Variants in CSRNP2 observed in about 807,000 individuals in gnomAD.
CSRNP2 encodes cysteine/serine-rich nuclear protein 2.
Under a neutral mutation model 36.6 loss-of-function variants are expected in CSRNP2, and 11 were observed. That is an observed-to-expected ratio of 0.30 (90% CI 0.19 to 0.50). CSRNP2 has a LOEUF of 0.50. Among genes scored for constraint, CSRNP2 ranks in the 20% least tolerant of loss-of-function variants. CSRNP2 has a pLI of 0.98. For synonymous variants in CSRNP2, 248 were observed against 275.3 expected, an observed-to-expected ratio of 0.90 and a Z score of 0.98; for missense variants, 483 against 691.4, an observed-to-expected ratio of 0.70 and a Z score of 3.38.
In CSRNP2 at chr12:51,082,686, T is replaced by G. The variant is rs1444149969; in HGVS notation, c.-87+653A>C. Reference sequence around the variant, plus strand: ...AAGGGACGGGTGGCAGTTGGCTGCGTAATTGGGCCTATGAAAAAAGATCAA... The same window carrying G: ...AAGGGACGGGTGGCAGTTGGCTGCGGAATTGGGCCTATGAAAAAAGATCAA... On this transcript the variant is annotated intron_variant, in intron 1 of 4. Coordinates refer to ENST00000228515, the MANE Select transcript of CSRNP2 (RefSeq NM_030809.3). 3 of 152,268 alleles carry G rather than the reference T, an allele frequency of 2.0e-5. No individual in the cohort carries two copies. In the East Asian group the frequency reaches 5.8e-4, roughly 29 times the overall value. 9.4% of individuals were successfully genotyped at this position (152,268 alleles called of 1,614,324 possible). A position where few individuals can be genotyped will look rare whatever the true frequency, so the allele number is the denominator to read the frequency against.
Position 51,067,003 on chromosome 12 carries a change from T to C in CSRNP2, c.708+670A>G, listed in dbSNP as rs1396510929. The stretch of plus-strand genomic sequence containing the variant: ...TGCTACCATGTCCAGCTAATTTTTG[T>C]ATTTTTTGTAAAGATGGGGCTTAGC... On this transcript the variant is annotated intron_variant, in intron 4 of 4. Coordinates refer to ENST00000228515, the MANE Select transcript of CSRNP2 (RefSeq NM_030809.3). This position sits in a 1 kb window ranked among gnomAD's most constrained non-coding sequence, Gnocchi z 4.1. Among the ~76,000 whole-genome samples, 2 of 141,926 alleles carry C rather than the reference T, an allele frequency of 1.4e-5. No homozygotes were observed. The highest frequency in any genetic ancestry group is 3.0e-5 in the Non-Finnish European group (2 of 65,926). The allele number at this position is 141,926 out of a possible 152,430, so 93.1% of individuals were successfully genotyped here.
rs539483924 is a variant in CSRNP2, at chr12:51,069,681, T to G, written c.412-1712A>C. On this transcript the variant is annotated intron_variant, in intron 3 of 4. Coordinates refer to ENST00000228515, the MANE Select transcript of CSRNP2 (RefSeq NM_030809.3). ...TACTATGTACAGGCAGAAATCTGGG[T>G]TTTTTTTTTTCTTTTTTTTCTTTTT... Among the ~76,000 whole-genome samples, 276 of 138,894 alleles carry G rather than the reference T, an allele frequency of 2.0e-3. 11 individuals are homozygous for G. Among genetic ancestry groups the G allele is most frequent in the Middle Eastern group, 0.011 (3 of 284 alleles). The allele number at this position is 138,894 out of a possible 152,430, so 91.1% of individuals were successfully genotyped here.
Position 51,063,645 on chromosome 12 carries a change from A to G in CSRNP2, c.*101T>C. 1.1e-6 allele frequency: 1 copy of G among 929,906 alleles called. No homozygotes were observed. The highest frequency in any genetic ancestry group is 1.6e-6 in the Non-Finnish European group (1 of 641,500). 57.6% of individuals were successfully genotyped at this position (929,906 alleles called of 1,614,324 possible). On this transcript the variant is annotated 3_prime_UTR_variant, in exon 5 of 5. Transcript: ENST00000228515. The stretch of plus-strand genomic sequence containing the variant: ...TCCCCAAAGACCCCAATAAAATAAC[A>G]TGGGAGCAGCAGCTGCTTCTACAGT...
Position 51,064,547 on chromosome 12 carries a change from C to T in CSRNP2, c.831G>A (p.Glu277=), listed in dbSNP as rs1566173222. ...THYLHTIMKL[E]LESKRQVSRP... ...GGCTCACCTGCCGCTTGCTCTCCAG[C>T]TCCAGCTTCATAATGGTGTGGAGGT... The change falls in exon 5 of 5, where the codon GAG becomes GAA. Residue 277 remains glutamate, a synonymous_variant. Transcript: ENST00000228515. 1 of 1,613,504 alleles carries T rather than the reference C, an allele frequency of 6.2e-7. No homozygotes were observed. The highest frequency in any genetic ancestry group is 8.5e-7 in the Non-Finnish European group (1 of 1,179,678).
At chr12:51,076,070 G>A (rs995259914) in intron 2 of CSRNP2, among the ~76,000 whole-genome samples, 2 of 151,958 alleles carry the variant, frequency 1.3e-5, no homozygotes, top group African/African-American at 4.8e-5. Flanking sequence ...TAAGAAATCT[G>A]GATTTGCCCC....
chr12:51,072,457 G>C (rs1170752917), intron 3 of CSRNP2, among the ~76,000 whole-genome samples: 1 of 150,654 alleles, frequency 6.6e-6, no homozygotes, highest in Admixed American at 6.7e-5. Context: ...CAGCTATTCA[G>C]GAGGCTGAGG....
intron 4 of CSRNP2, 137 bp from the exon 5 acceptor site, chr12:51,064,806 G>T: frequency 1.6e-6 from 1 of 617,482 alleles, no homozygotes; most frequent in Non-Finnish European, 2.6e-6. Flanking sequence ...TCAAAGCATA[G>T]CATGCAGTGT....
chr12:51,074,867 C>A (rs886274666), intron 2 of CSRNP2, among the ~76,000 whole-genome samples: 2 of 151,928 alleles, frequency 1.3e-5, no homozygotes, highest in Non-Finnish European at 2.9e-5. Context: ...GAGATCAAGA[C>A]CATCCTGGCC....
intron 1 of CSRNP2, chr12:51,083,013 C>T (rs2136941900): frequency 6.6e-6 from 1 of 152,574 alleles, no homozygotes; most frequent in East Asian, 1.9e-4. Flanking sequence ...TTTCCTCCAT[C>T]CTACATCATT....
Position 51,064,306 on chromosome 12 carries a change from C to T in CSRNP2, c.1072G>A (p.Val358Met), listed in dbSNP as rs138451611. The T allele has an allele frequency of 2.6e-4, 412 of 1,613,846 alleles. No homozygotes were observed. Among genetic ancestry groups the T allele is most frequent in the Non-Finnish European group, 3.3e-4 (395 of 1,179,928 alleles). ...GCCAGAGGCTCCTCTAGGATGCACA[C>T]ACCCAGGCTCTCGATGCTCGAGTCC... ...SLDSSIESLGVCILEEPLAVP... is the reference protein window; with the variant it reads ...SLDSSIESLGMCILEEPLAVP... Residue 358 changes from valine (V) to methionine (M), a missense_variant, in exon 5 of 5, where the codon GTG (valine) becomes ATG (methionine). This residue lies in a region of CSRNP2 where 277 missense variants were observed against 323.6 expected (regional missense o/e 0.86). Coordinates refer to ENST00000228515, the MANE Select transcript of CSRNP2 (RefSeq NM_030809.3).
chr12:51,076,418 G>T lies in CSRNP2; in HGVS notation c.144C>A (p.Ser48Arg). ...CDSLNPPTTA[S>R]FTPTSILKRQ... ...ACGGAGCAGCTTACTCACGTGTGAA[G>T]CTGGCAGTGGTAGGAGGATTGAGGC... is the stretch of plus-strand genomic sequence containing the variant. Residue 48 changes from serine to arginine, a missense_variant, in exon 2 of 5, where the codon AGC (serine) becomes AGA (arginine). Ser to Arg is a moderately radical substitution (Grantham distance 110). Transcript: ENST00000228515. 1 of 1,614,104 alleles carries T rather than the reference G, an allele frequency of 6.2e-7. No individual in the cohort carries two copies. The highest frequency in any genetic ancestry group is 8.5e-7 in the Non-Finnish European group (1 of 1,180,018).
At position 51,074,687 on chromosome 12, in the gene CSRNP2, T is replaced by G. The variant is rs561852321; in HGVS notation, c.152-605A>C. On this transcript the variant is annotated intron_variant, in intron 2 of 4. Transcript: ENST00000228515. ...GGATCTCTAGTTAATCTTTTCTGGA[T>G]ATAAGAATCTACAGCTTTACTGTCC... Among the ~76,000 whole-genome samples, 17 of 152,298 alleles carry G rather than the reference T, an allele frequency of 1.1e-4. 1 individual carries two copies. The South Asian group carries it at 2.7e-3, about 24-fold the overall frequency.
rs140038177 is a variant in CSRNP2 at position 51,064,001 on chromosome 12, G to A, written c.1377C>T (p.Leu459=). 523 of 1,614,140 alleles carry A rather than the reference G, an allele frequency of 3.2e-4. 1 individual carries two copies. The highest frequency in any genetic ancestry group is 2.6e-3 in the Admixed American group (155 of 60,024). ...CTGGGTCTGTGGAGCTACAAGCCAC[G>A]AGTGAGGTAACAGGGAGAGAGAAGA... The part of the protein sequence containing the change: ...LNVFSLPVTS[L]VACSSTDPAA... Residue 459 remains leucine (L), a synonymous_variant, in exon 5 of 5, where the codon CTC becomes CTT. Transcript: ENST00000228515.
At chr12:51,079,192 G>A (rs1939515223) in intron 1 of CSRNP2, among the ~76,000 whole-genome samples, 1 of 152,058 alleles carries the variant, frequency 6.6e-6, no homozygotes. Flanking sequence ...ATGGACACAG[G>A]ATGGGGAACA....
intron 2 of CSRNP2, among the ~76,000 whole-genome samples, chr12:51,075,007 G>C (rs1939336947): frequency 6.6e-6 from 1 of 152,184 alleles, no homozygotes; most frequent in Non-Finnish European, 1.5e-5. Context: ...GGAGGTTGCA[G>C]TGAGCCGAGA....
chr12:51,080,138 AGGCAGGCAGG>A (rs2136933479), intron 1 of CSRNP2, among the ~76,000 whole-genome samples: 1 of 1,698 alleles, frequency 5.9e-4, no homozygotes, highest in Admixed American at 0.023. Flanking sequence ...GCAGGCAGGC[AGGCAGGCAGG>A]CAGGCAGGCA....
At chr12:51,066,430 GGC>G (rs1938312739) in intron 4 of CSRNP2, among the ~76,000 whole-genome samples, 1 of 148,984 alleles carries the variant, frequency 6.7e-6, no homozygotes, top group Non-Finnish European at 1.5e-5. Context: ...ACTCCAGCCT[GGC>G]AACAGAGCAA....
At chr12:51,075,649 G>A (rs893068334) in intron 2 of CSRNP2, among the ~76,000 whole-genome samples, 13 of 152,168 alleles carry the variant, frequency 8.5e-5, no homozygotes, top group South Asian at 2.1e-4. Context: ...ATACACAATG[G>A]GTATAACTGT....
rs552682649 is a variant in CSRNP2, at chr12:51,063,084, A to G, written c.*662T>C. The G allele has an allele frequency of 1.3e-5, 2 of 152,372 alleles. No homozygotes were observed. The highest frequency in any genetic ancestry group is 4.1e-4 in the South Asian group (2 of 4,834). The allele number at this position is 152,372 out of a possible 1,614,324, so 9.4% of individuals were successfully genotyped here. ...ACAAGTTTAACTCTAGTACTTAAGA[A>G]CATGTGGAAGAAACAATTCAAGTTA... On this transcript the variant is annotated 3_prime_UTR_variant, in exon 5 of 5. Coordinates refer to ENST00000228515, the MANE Select transcript of CSRNP2 (RefSeq NM_030809.3).
Sources: allele counts gnomAD v4.1 joint callset (sites outside exome capture counted in the v4.1 genomes callset), GRCh38; gene constraint gnomAD v4.1.1; regional missense constraint gnomAD v4.1.1; non-coding constraint Gnocchi (gnomAD v3.1); transcripts MANE v1.5; gene names NCBI Gene and HGNC (gene_info 2026-07-23, HGNC 2026-07-21).